ELFN2: variants seen among roughly 807,000 people sequenced by gnomAD.
The protein encoded by ELFN2 is extracellular leucine rich repeat and fibronectin type III domain containing 2, also known as protein phosphatase 1 regulatory subunit 29.
ELFN2 carries 17 observed loss-of-function variants against 45.5 expected under a neutral mutation model. That is an observed-to-expected ratio of 0.37 (90% confidence interval 0.26 to 0.56). ELFN2 has a LOEUF of 0.56. Ranked by LOEUF, ELFN2 falls within the 20% of genes least tolerant of loss-of-function variation. The pLI, the probability that ELFN2 is intolerant of heterozygous loss-of-function variation, is 0.77. For synonymous variants in ELFN2, 550 were observed against 551.5 expected (o/e 1.00, Z 0.04); for missense variants, 922 against 1,183.2 (o/e 0.78, Z 3.24).
chr22:37,347,073 G>C (rs532205408), intron 1 of ELFN2, among the ~76,000 whole-genome samples: 1 of 151,976 alleles, frequency 6.6e-6, no homozygotes, highest in African/African-American at 2.4e-5. Context: ...CTGCCCCCCC[G>C]GTTCAAGTGA....
intron 1 of ELFN2, among the ~76,000 whole-genome samples, chr22:37,419,843 C>A (rs1200517947): frequency 1.3e-5 from 2 of 152,274 alleles, no homozygotes; most frequent in East Asian, 1.9e-4. Flanking sequence ...GCACACACAC[C>A]CCCTCGCCAG....
At chr22:37,410,073 GCA>G (rs972777236) in intron 2 of ELFN2, among the ~76,000 whole-genome samples, 3 of 152,082 alleles carry the variant, frequency 2.0e-5, no homozygotes, top group African/African-American at 7.3e-5. Context: ...GATCACGAGG[GCA>G]CACACATACA....
intron 2 of ELFN2, among the ~76,000 whole-genome samples, chr22:37,389,506 A>G (rs2145656519): frequency 6.6e-6 from 1 of 152,114 alleles, no homozygotes; most frequent in South Asian, 2.1e-4. Context: ...AAGCCTTTGG[A>G]GATCTCCCTT....
intron 1 of ELFN2, among the ~76,000 whole-genome samples, chr22:37,346,848 C>T (rs1319211231): frequency 2.6e-5 from 4 of 152,064 alleles, no homozygotes; most frequent in Non-Finnish European, 5.9e-5. Flanking sequence ...AGTGAAACAC[C>T]GTGGATGCCA....
At position 37,375,935 on chromosome 22, in the gene ELFN2, G is replaced by A. The variant is rs1012367734; in HGVS notation, c.-401C>T. 1.8e-5 allele frequency: 5 copies of A among 279,672 alleles called. No homozygotes were observed. Among genetic ancestry groups the A allele is most frequent in the Admixed American group, 5.1e-5 (1 of 19,524 alleles). The allele number at this position is 279,672 out of a possible 1,614,324, so 17.3% of individuals were successfully genotyped here. ...TTCCCACAGGAGGCTGGAGAGTGCC[G>A]CACTGAGCCAGGAGTGAGAGAGATG... On this transcript the variant is annotated 5_prime_UTR_variant, in exon 3 of 3. Coordinates refer to ENST00000402918, the MANE Select transcript of ELFN2 (RefSeq NM_052906.5).
Position 37,369,892 on chromosome 22 carries a change from CACA to C in ELFN2, c.*3177_*3179del, listed in dbSNP as rs2145629971. ...TCTGCCCTGCTGGCCTGCCCCAGACCACAGCCCAGCTCCACCATGCTCATCATC... is the reference window on the plus strand; with the variant it reads ...TCTGCCCTGCTGGCCTGCCCCAGACCGCCCAGCTCCACCATGCTCATCATC... On this transcript the variant is annotated 3_prime_UTR_variant, in exon 3 of 3. Coordinates refer to ENST00000402918, the MANE Select transcript of ELFN2 (RefSeq NM_052906.5). 1 of 152,668 alleles carries C rather than the reference CACA, an allele frequency of 6.6e-6. No homozygotes were observed. Among genetic ancestry groups the C allele is most frequent in the East Asian group, 1.9e-4 (1 of 5,178 alleles). 9.5% of individuals were successfully genotyped at this position (152,668 alleles called of 1,614,324 possible).
Position 37,374,340 on chromosome 22 carries a change from T to C in ELFN2, c.1195A>G (p.Met399Val), listed in dbSNP as rs1404241540. 2 of 1,613,948 alleles carry C rather than the reference T, an allele frequency of 1.2e-6. No individual in the cohort carries two copies. Among genetic ancestry groups the C allele is most frequent in the East Asian group, 2.2e-5 (1 of 44,868 alleles). ...CCAAAGAGGCAGCCCAGGATGGTCA[T>C]GATGTAGTGGGTGGTGGTGGAGGTG... ...PSTSTTTHYI[M>V]TILGCLFGMV... The change falls in exon 3 of 3, where the codon ATG becomes GTG. Residue 399 changes from methionine (M) to valine (V), a missense_variant. Physicochemically the swap from Met to Val is conservative, Grantham distance 21 (BLOSUM62 1). Coordinates refer to ENST00000402918, the MANE Select transcript of ELFN2 (RefSeq NM_052906.5).
intron 2 of ELFN2, among the ~76,000 whole-genome samples, chr22:37,405,453 G>T (rs1048892593): frequency 6.6e-6 from 1 of 151,894 alleles, no homozygotes; most frequent in Admixed American, 6.6e-5. Context: ...TGGCTCATGG[G>T]GTCACTGTAA....
chr22:37,422,744 C>T (rs999485012), intron 1 of ELFN2, among the ~76,000 whole-genome samples: 3 of 151,928 alleles, frequency 2.0e-5, no homozygotes, highest in Non-Finnish European at 2.9e-5. Context: ...CAGGCATGCA[C>T]CACGATGCCC....
At chr22:37,389,224 C>T (rs1482498245) in intron 2 of ELFN2, among the ~76,000 whole-genome samples, 1 of 152,036 alleles carries the variant, frequency 6.6e-6, no homozygotes, top group African/African-American at 2.4e-5. Flanking sequence ...CAGAGCAGGA[C>T]CAGCTGTTCC....
Position 37,374,716 on chromosome 22 carries a change from C to G in ELFN2, c.819G>C (p.Ser273=), listed in dbSNP as rs372565071. The change falls in exon 3 of 3, where the codon TCG becomes TCC. Residue 273 remains serine (S), a synonymous_variant. Transcript: ENST00000402918. ...TDAQREPDEN[S]GFNPDEILSV... ...AAAGGATCTCGTCGGGGTTGAAGCC[C>G]GAGTTCTCGTCTGGCTCCCTCTGGG... is the stretch of plus-strand genomic sequence containing the variant. 17 of 1,611,586 alleles carry G rather than the reference C, an allele frequency of 1.1e-5. No individual in the cohort carries two copies. The highest frequency in any genetic ancestry group is 1.2e-5 in the Non-Finnish European group (14 of 1,178,480).
intron 2 of ELFN2, among the ~76,000 whole-genome samples, chr22:37,395,841 G>A (rs990045532): frequency 6.6e-6 from 1 of 152,160 alleles, no homozygotes; most frequent in African/African-American, 2.4e-5. Context: ...GAGGGGCAGG[G>A]AGCCACCTGT....
chr22:37,378,847 C>T (rs1374467809), intron 2 of ELFN2, among the ~76,000 whole-genome samples: 1 of 152,242 alleles, frequency 6.6e-6, no homozygotes, highest in Non-Finnish European at 1.5e-5. Context: ...GCGCTGACAG[C>T]AGCACTTGGC....
At chr22:37,386,759 A>G (rs1049184167) in intron 2 of ELFN2, among the ~76,000 whole-genome samples, 1 of 152,182 alleles carries the variant, frequency 6.6e-6, no homozygotes, top group Admixed American at 6.5e-5. Flanking sequence ...TATCTATGTG[A>G]CAGCTGCTGT....
chr22:37,352,584 C>A (rs562500624), intron 1 of ELFN2: 4 of 150,880 alleles, frequency 2.7e-5, no homozygotes, highest in Admixed American at 1.3e-4. Context: ...CCCTGAGATG[C>A]GCCCAAAATG....
At position 37,371,969 on chromosome 22, in the gene ELFN2, G is replaced by A. The variant is rs992068827; in HGVS notation, c.*1103C>T. 6.6e-6 allele frequency: 1 copy of A among 152,486 alleles called. No homozygotes were observed. The highest frequency in any genetic ancestry group is 1.5e-5 in the Non-Finnish European group (1 of 68,132). The allele number at this position is 152,486 out of a possible 1,614,324, so 9.4% of individuals were successfully genotyped here. A position where few individuals can be genotyped will look rare whatever the true frequency, so the allele number is the denominator to read the frequency against. On this transcript the variant is annotated 3_prime_UTR_variant, in exon 3 of 3. Coordinates refer to ENST00000402918, the MANE Select transcript of ELFN2 (RefSeq NM_052906.5). The surrounding 1 kb of genome is among the most constrained non-coding windows in gnomAD (Gnocchi z 6.4). The stretch of plus-strand genomic sequence containing the variant: ...GGAGCCGAGATCCCACGATGGGGTC[G>A]GGCAGGTGGGGACACAGGCCATGGG...
intron 2 of ELFN2, among the ~76,000 whole-genome samples, chr22:37,413,153 T>C (rs1411978218): frequency 6.6e-6 from 1 of 151,918 alleles, no homozygotes; most frequent in East Asian, 1.9e-4. Context: ...TCCAAACTGG[T>C]TTTTCTCTCT....
chr22:37,425,340 C>A (rs981440572), intron 1 of ELFN2, among the ~76,000 whole-genome samples: 2 of 152,168 alleles, frequency 1.3e-5, no homozygotes, highest in East Asian at 3.9e-4. Flanking sequence ...GGAAGGTGCA[C>A]TCTTCAGGGG....
At chr22:37,382,291 C>G (rs1332171214) in intron 2 of ELFN2, among the ~76,000 whole-genome samples, 6 of 80,790 alleles carry the variant, frequency 7.4e-5, no homozygotes, top group African/African-American at 2.5e-4. Flanking sequence ...GCTACTGGTT[C>G]TCCTTTTTTT....
Sources: allele counts gnomAD v4.1 joint callset (sites outside exome capture counted in the v4.1 genomes callset), GRCh38; gene constraint gnomAD v4.1.1; non-coding constraint Gnocchi (gnomAD v3.1); transcripts MANE v1.5; gene names NCBI Gene and HGNC (gene_info 2026-07-23, HGNC 2026-07-21).